The following HMCN1 variants were observed in gnomAD, a reference collection of about 807,000 sequenced individuals.
HMCN1 encodes the protein hemicentin-1.
Under a neutral mutation model 625.9 loss-of-function variants are expected in HMCN1, and 321 were observed. That is an observed-to-expected ratio of 0.51 (90% CI 0.47 to 0.56). The LOEUF is 0.56. Among genes scored for constraint, HMCN1 ranks in the 20% least tolerant of loss-of-function variants. The pLI is 0.00. For missense variants in HMCN1, 6,588 were observed against 6,887.3 expected (o/e 0.96, Z 1.54); for synonymous variants, 2,425 against 2,417.6 (o/e 1.00, Z -0.09).
At chr1:186,040,867 T>C (rs1656155486) in intron 39 of HMCN1, 146 bp from the exon 40 acceptor site, 1 of 772,752 alleles carries the variant, frequency 1.3e-6, no homozygotes, top group African/African-American at 1.7e-5. Flanking sequence ...TATTATATGA[T>C]GTTTGCCTAC....
In HMCN1 at chr1:186,045,595, A is replaced by T; in HGVS notation, c.6305-93A>T. ...GTGATCCTATATCTTTAAAAGAACC[A>T]ATAAAGGTATTCAGTATATGTCCTG... is the stretch of plus-strand genomic sequence containing the variant. On this transcript the variant is annotated intron_variant, in intron 40 of 106. Coordinates refer to ENST00000271588, the MANE Select transcript of HMCN1 (RefSeq NM_031935.3). 3.1e-6 allele frequency: 3 copies of T among 954,714 alleles called. No homozygotes were observed. The Admixed American group carries it at 5.1e-5, about 16-fold the overall frequency. 59.1% of individuals were successfully genotyped at this position (954,714 alleles called of 1,614,324 possible).
At chr1:186,010,048 G>A (rs1045879767) in intron 30 of HMCN1, among the ~76,000 whole-genome samples, 5 of 152,252 alleles carry the variant, frequency 3.3e-5, no homozygotes, top group South Asian at 2.1e-4. Context: ...AGGTGGTAAT[G>A]CTTGCTCGTC....
In HMCN1 at chr1:186,114,868, A is replaced by T; in HGVS notation, c.11326A>T (p.Thr3776Ser). The change falls in exon 74 of 107, where the codon ACT becomes TCT. Residue 3776 changes from threonine (T) to serine (S), a missense_variant. Physicochemically the swap from Thr to Ser is moderately conservative, Grantham distance 58. Coordinates refer to ENST00000271588, the MANE Select transcript of HMCN1 (RefSeq NM_031935.3). Reference protein sequence around the residue: ...GFLHIQSAHVTDTGRYLCMAT... With the variant: ...GFLHIQSAHVSDTGRYLCMAT... ...CCTTCATATTCAATCAGCACATGTC[A>T]CTGACACTGGACGGTATTTGTGTAT... 1.9e-6 allele frequency: 3 copies of T among 1,614,138 alleles called. No homozygotes were observed. Among genetic ancestry groups the T allele is most frequent in the Non-Finnish European group, 2.5e-6 (3 of 1,179,958 alleles).
chr1:186,107,923 A>G (rs990703808), intron 70 of HMCN1, among the ~76,000 whole-genome samples: 2 of 152,048 alleles, frequency 1.3e-5, no homozygotes, highest in African/African-American at 4.8e-5. Flanking sequence ...TAAAAAACTA[A>G]CAGAAGATCT....
chr1:186,035,767 A>G (rs1226866481), intron 36 of HMCN1, among the ~76,000 whole-genome samples: 2 of 152,100 alleles, frequency 1.3e-5, no homozygotes, highest in East Asian at 1.9e-4. Context: ...TTGGCATTTC[A>G]TGGGCTAATA....
chr1:185,904,900 T>C (rs1666012395), intron 4 of HMCN1, among the ~76,000 whole-genome samples: 1 of 151,768 alleles, frequency 6.6e-6, no homozygotes, highest in Non-Finnish European at 1.5e-5. Context: ...CCTAATCAAC[T>C]TTCTACCATC....
At chr1:186,140,505 A>G (rs1355410586) in intron 89 of HMCN1, among the ~76,000 whole-genome samples, 1 of 152,200 alleles carries the variant, frequency 6.6e-6, no homozygotes, top group African/African-American at 2.4e-5. Context: ...ACATAATGTC[A>G]GTTTGTCCCA....
Position 186,053,857 on chromosome 1 carries a change from G to A in HMCN1, c.6733G>A (p.Val2245Ile), listed in dbSNP as rs1250207361. Reference protein sequence around the residue: ...SPVLTDSMGRVRILSGGRQLQ... With the variant: ...SPVLTDSMGRIRILSGGRQLQ... ...AGTGCTGACTGATTCCATGGGGCGAGTTAGAATTTTATCTGGGGGCAGGCA... is the reference window on the plus strand; with the variant it reads ...AGTGCTGACTGATTCCATGGGGCGAATTAGAATTTTATCTGGGGGCAGGCA... The change falls in exon 44 of 107, where the codon GTT becomes ATT. Residue 2245 changes from valine (V) to isoleucine (I), a missense_variant. Physicochemically the swap from Val to Ile is conservative, Grantham distance 29. This residue lies in a region of HMCN1 where 4,628 missense variants were observed against 4,853.1 expected (regional missense o/e 0.95). Transcript: ENST00000271588. The A allele has an allele frequency of 1.9e-5, 31 of 1,612,540 alleles. No homozygotes were observed. Among genetic ancestry groups the A allele is most frequent in the Admixed American group, 8.4e-5 (5 of 59,798 alleles).
intron 46 of HMCN1, 130 bp from the exon 47 acceptor site, chr1:186,061,721 C>A: frequency 2.0e-6 from 1 of 502,186 alleles, no homozygotes; most frequent in Non-Finnish European, 3.5e-6. Flanking sequence ...AAAAGCTTAA[C>A]ATAAATTCAT....
chr1:185,828,109 A>C (rs1363075684), intron 1 of HMCN1, among the ~76,000 whole-genome samples: 1 of 152,196 alleles, frequency 6.6e-6, no homozygotes, highest in African/African-American at 2.4e-5. Context: ...GAGGTGTCTA[A>C]AAAGTATACA....
intron 1 of HMCN1, among the ~76,000 whole-genome samples, chr1:185,739,694 G>A (rs1306934610): frequency 6.6e-6 from 1 of 152,154 alleles, no homozygotes; most frequent in Non-Finnish European, 1.5e-5. Flanking sequence ...ACAGATAAAA[G>A]CGCCTGCATT....
intron 69 of HMCN1, among the ~76,000 whole-genome samples, chr1:186,105,597 C>G (rs954233046): frequency 1.3e-5 from 2 of 152,200 alleles, no homozygotes; most frequent in African/African-American, 4.8e-5. Flanking sequence ...CCCTCCTTTT[C>G]TTTGTGAGCC....
At chr1:186,164,061 G>GAC (rs370212356) in intron 97 of HMCN1, among the ~76,000 whole-genome samples, 6 of 151,958 alleles carry the variant, frequency 3.9e-5, no homozygotes, top group South Asian at 2.1e-4. Flanking sequence ...ACTAAATAGT[G>GAC]ACACACACAC....
In HMCN1 at chr1:186,001,746, G is replaced by A. The variant is rs1653216766; in HGVS notation, c.4348+5G>A. The A allele has an allele frequency of 6.2e-7, 1 of 1,609,200 alleles. No homozygotes were observed. Among genetic ancestry groups the A allele is most frequent in the Non-Finnish European group, 8.5e-7 (1 of 1,176,244 alleles). ...ACTTTAACATTGATGTGCTAGGTAAGAAATACATCCTTTTAAAAAACTACA... is the reference window on the plus strand; with the variant it reads ...ACTTTAACATTGATGTGCTAGGTAAAAAATACATCCTTTTAAAAAACTACA... On this transcript the variant is annotated splice_donor_5th_base_variant and intron_variant, in intron 28 of 106. Transcript: ENST00000271588.
chr1:186,023,470 C>CA (rs1014907677), intron 36 of HMCN1, among the ~76,000 whole-genome samples: 4 of 152,044 alleles, frequency 2.6e-5, no homozygotes, highest in Non-Finnish European at 5.9e-5. Flanking sequence ...CAGAAGTTGA[C>CA]AGCATTGTTT....
chr1:185,936,828 C>T (rs1342619357), intron 11 of HMCN1, among the ~76,000 whole-genome samples: 1 of 152,156 alleles, frequency 6.6e-6, no homozygotes, highest in African/African-American at 2.4e-5. Context: ...GAGGACTGGG[C>T]AAGGAGCCAT....
chr1:186,137,373 C>A, intron 87 of HMCN1, 125 bp from the exon 88 acceptor site: 1 of 1,109,622 alleles, frequency 9.0e-7, no homozygotes, highest in Non-Finnish European at 1.3e-6. Context: ...TAAAGGAGAG[C>A]TTCCATACGC....
At chr1:185,892,472 T>C (rs1187523072) in intron 4 of HMCN1, among the ~76,000 whole-genome samples, 3 of 152,018 alleles carry the variant, frequency 2.0e-5, no homozygotes, top group Non-Finnish European at 4.4e-5. Context: ...ATGATGGTGA[T>C]GTACAGATGG....
chr1:185,874,072 CAT>C (rs1428062573), intron 4 of HMCN1, among the ~76,000 whole-genome samples: 2 of 151,690 alleles, frequency 1.3e-5, no homozygotes, highest in African/African-American at 2.4e-5. Flanking sequence ...TTGGAAAAAA[CAT>C]ATGAATATTG....
Sources: allele counts gnomAD v4.1 joint callset (sites outside exome capture counted in the v4.1 genomes callset), GRCh38; gene constraint gnomAD v4.1.1; regional missense constraint gnomAD v4.1.1; transcripts MANE v1.5; gene names NCBI Gene and HGNC (gene_info 2026-07-23, HGNC 2026-07-21).